PTPRN2: variants seen among roughly 807,000 people sequenced by gnomAD.
PTPRN2 encodes the protein protein tyrosine phosphatase receptor type N2, also known as receptor-type tyrosine-protein phosphatase N2.
Under a neutral mutation model 118.8 loss-of-function variants are expected in PTPRN2, and 74 were observed. The ratio of observed to expected loss-of-function variants is 0.62; its 90% confidence interval spans 0.52 to 0.76. The LOEUF is 0.76. Ranked by LOEUF, PTPRN2 falls within the 30% of genes least tolerant of loss-of-function variation. PTPRN2 has a pLI of 0.00. For missense variants in PTPRN2, 1,481 were observed against 1,394.4 expected (o/e 1.06, Z -0.99); for synonymous variants, 641 against 608.0 (o/e 1.05, Z -0.80).
chr7:157,648,919 G>A (rs1219981537), intron 14 of PTPRN2, among the ~76,000 whole-genome samples: 1 of 146,800 alleles, frequency 6.8e-6, no homozygotes, highest in Non-Finnish European at 1.5e-5. Flanking sequence ...CCCTTTCACT[G>A]TGCACTGAAC....
intron 1 of PTPRN2, among the ~76,000 whole-genome samples, chr7:158,491,811 A>G (rs1020280937): frequency 1.3e-5 from 2 of 152,120 alleles, no homozygotes; most frequent in Non-Finnish European, 2.9e-5. Context: ...TCTTAATCCC[A>G]TTTACCCATC....
chr7:157,548,131 G>A (rs1310485774), intron 22 of PTPRN2, among the ~76,000 whole-genome samples: 2 of 152,084 alleles, frequency 1.3e-5, no homozygotes, highest in Admixed American at 1.3e-4. Flanking sequence ...CAGGAGAATC[G>A]CTTTAACCTG....
intron 16 of PTPRN2, among the ~76,000 whole-genome samples, chr7:157,602,513 G>A (rs574667073): frequency 3.4e-4 from 52 of 151,986 alleles, no homozygotes; most frequent in African/African-American, 1.2e-3. Context: ...CAGCAGAGCC[G>A]AGAGCTGAGC....
At chr7:157,579,923 C>T (rs1259966950) in intron 17 of PTPRN2, among the ~76,000 whole-genome samples, 1 of 152,198 alleles carries the variant, frequency 6.6e-6, no homozygotes, top group Non-Finnish European at 1.5e-5. Context: ...GCAACTCAAT[C>T]GAGGAGGAAA....
In PTPRN2 at chr7:158,182,374, C is replaced by T. The variant is rs186631878; in HGVS notation, c.549+9953G>A. Among the ~76,000 whole-genome samples the T allele has an allele frequency of 1.6e-4, 25 of 152,104 alleles. No individual in the cohort carries two copies. The East Asian group carries it at 3.1e-3, about 19-fold the overall frequency. On this transcript the variant is annotated intron_variant, in intron 5 of 22. Transcript: ENST00000389418. ...TTCATTACTTTTTCTTCTAAAAAGA[C>T]GGGATACACGTGCAGAACATGCAGG...
At chr7:158,157,880 C>G (rs180926928) in intron 6 of PTPRN2, among the ~76,000 whole-genome samples, 257 of 152,320 alleles carry the variant, frequency 1.7e-3, no homozygotes, top group African/African-American at 5.9e-3. Context: ...GGGACTGTTT[C>G]GCTAGGATGA....
intron 1 of PTPRN2, among the ~76,000 whole-genome samples, chr7:158,553,830 G>T (rs1034884906): frequency 1.3e-5 from 2 of 149,798 alleles, no homozygotes; most frequent in East Asian, 2.0e-4. Flanking sequence ...TGCATCGGGG[G>T]GGCTCTAACA....
rs184949890 is a variant in PTPRN2, at chr7:158,437,805, T to C, written c.163+51930A>G. Among the ~76,000 whole-genome samples, 245 of 152,348 alleles carry C rather than the reference T, an allele frequency of 1.6e-3. 1 individual carries two copies. Among genetic ancestry groups the C allele is most frequent in the Admixed American group, 6.4e-3 (98 of 15,310 alleles). The stretch of plus-strand genomic sequence containing the variant: ...TGATTCAACTCAAGAATTTGGCAAA[T>C]GTGTCAGAGGTGAAAGCCACAGGTG... On this transcript the variant is annotated intron_variant, in intron 2 of 22. Transcript: ENST00000389418.
chr7:157,551,402 A>C (rs1489766824), intron 21 of PTPRN2, among the ~76,000 whole-genome samples: 2 of 152,012 alleles, frequency 1.3e-5, no homozygotes, highest in African/African-American at 4.8e-5. Context: ...AAGTTGGTAT[A>C]GAGGCTCAAG....
chr7:158,136,153 C>A (rs757904318), intron 8 of PTPRN2, among the ~76,000 whole-genome samples: 40 of 152,224 alleles, frequency 2.6e-4, no homozygotes, highest in African/African-American at 9.4e-4. Context: ...ATGCGACTAA[C>A]GTGCCGCCGA....
rs927197005 is a variant in PTPRN2 at position 158,544,881 on chromosome 7, T to C, written c.112+42677A>G. Among the ~76,000 whole-genome samples the C allele has an allele frequency of 1.3e-5, 2 of 152,200 alleles. No homozygotes were observed. Among genetic ancestry groups the C allele is most frequent in the Non-Finnish European group, 2.9e-5 (2 of 68,032 alleles). On this transcript the variant is annotated intron_variant, in intron 1 of 22. Transcript: ENST00000389418. The surrounding 1 kb of genome is among the most constrained non-coding windows in gnomAD (Gnocchi z 4.2). ...GCAGTTTTCTGCTAACACTTACACC[T>C]GCCCACACTGGTGCTCACACTCACG...
At chr7:157,819,121 TG>T (rs901399311) in intron 12 of PTPRN2, among the ~76,000 whole-genome samples, 2 of 152,162 alleles carry the variant, frequency 1.3e-5, no homozygotes, top group Non-Finnish European at 2.9e-5. Context: ...CTGCTGGGCC[TG>T]GGTCCACAGT....
chr7:158,294,587 C>G (rs980256941), intron 3 of PTPRN2, among the ~76,000 whole-genome samples: 1 of 152,170 alleles, frequency 6.6e-6, no homozygotes, highest in Non-Finnish European at 1.5e-5. Context: ...ATCAGACATG[C>G]GTGTGCCTCT....
chr7:158,374,080 C>A (rs900442125), intron 2 of PTPRN2, among the ~76,000 whole-genome samples: 1 of 152,216 alleles, frequency 6.6e-6, no homozygotes, highest in African/African-American at 2.4e-5. Context: ...GCTCAGGCAG[C>A]GGGCCCTTCT....
intron 22 of PTPRN2, among the ~76,000 whole-genome samples, chr7:157,546,523 G>A (rs1416522480): frequency 6.6e-6 from 1 of 152,200 alleles, no homozygotes. Flanking sequence ...GTGGGAACAG[G>A]CAGTGTTTGG....
intron 1 of PTPRN2, among the ~76,000 whole-genome samples, chr7:158,564,237 G>A (rs1827544768): frequency 6.6e-6 from 1 of 151,022 alleles, no homozygotes; most frequent in African/African-American, 2.4e-5. Context: ...GAAAAATCAA[G>A]TTGTTTCAAA....
intron 11 of PTPRN2, among the ~76,000 whole-genome samples, chr7:157,982,624 G>A (rs1443929826): frequency 7.2e-6 from 1 of 138,156 alleles, no homozygotes; most frequent in African/African-American, 2.8e-5. Context: ...CCTAAACCCC[G>A]AGTCACAGAG....
intron 12 of PTPRN2, among the ~76,000 whole-genome samples, chr7:157,738,333 C>T (rs1361318789): frequency 1.3e-5 from 2 of 152,020 alleles, no homozygotes; most frequent in Admixed American, 6.6e-5. Context: ...TGCTGGGGAG[C>T]GGGATTGAGA....
chr7:158,272,990 A>G (rs1401546863), intron 3 of PTPRN2, among the ~76,000 whole-genome samples: 1 of 152,190 alleles, frequency 6.6e-6, no homozygotes, highest in Non-Finnish European at 1.5e-5. Flanking sequence ...TTTATTGAGC[A>G]TCAGGGAATA....
Sources: gnomAD v4.1 joint callset for allele counts (sites outside exome capture counted in the v4.1 genomes callset) on GRCh38, gnomAD v4.1.1 for gene constraint, Gnocchi (gnomAD v3.1) non-coding constraint, MANE v1.5 for transcripts, NCBI Gene and HGNC (gene_info 2026-07-23, HGNC 2026-07-21) for gene names.